ASB17: variants seen among roughly 807,000 people sequenced by gnomAD.
The protein encoded by ASB17 is ankyrin repeat and SOCS box containing 17, also known as ankyrin repeat and SOCS box protein 17.
In ASB17, 26 loss-of-function variants were observed where a neutral mutation model predicts 25.7. The ratio of observed to expected loss-of-function variants is 1.01; its 90% CI spans 0.74 to 1.40. ASB17 has a LOEUF of 1.40. Ranked by LOEUF, ASB17 falls within the 40% of genes most tolerant of loss-of-function variation. The pLI is 0.00. For synonymous variants in ASB17, 128 were observed against 121.4 expected, an observed-to-expected ratio of 1.05 and a Z score of -0.36; for missense variants, 326 against 338.5, an observed-to-expected ratio of 0.96 and a Z score of 0.29.
intron 1 of ASB17, among the ~76,000 whole-genome samples, chr1:75,929,317 C>T (rs188697259): frequency 2.9e-4 from 44 of 151,924 alleles, no homozygotes; most frequent in African/African-American, 9.2e-4. Flanking sequence ...CTCTGCCTTC[C>T]GGGTTCACGC....
Position 75,932,276 on chromosome 1 carries a change from T to C in ASB17, c.16A>G (p.Lys6Glu). 2 of 1,608,604 alleles carry C rather than the reference T, an allele frequency of 1.2e-6. No individual in the cohort carries two copies. The highest frequency in any genetic ancestry group is 1.7e-6 in the Non-Finnish European group (2 of 1,177,290). The change falls in exon 1 of 3, where the codon AAA becomes GAA. Residue 6 changes from lysine to glutamate, a missense_variant. Coordinates refer to ENST00000284142, the MANE Select transcript of ASB17 (RefSeq NM_080868.3). MSKSTKLCGKTSCPRS... is the reference protein window; with the variant it reads MSKSTELCGKTSCPRS... ...GGACAAGAAGTCTTACCACATAATT[T>C]AGTAGATTTACTCATTGTTACTTAT...
At chr1:75,925,850 TA>T (rs1367175624) in intron 1 of ASB17, among the ~76,000 whole-genome samples, 1 of 152,216 alleles carries the variant, frequency 6.6e-6, no homozygotes, top group Non-Finnish European at 1.5e-5. Context: ...AGAATAATTT[TA>T]CATGTGTGAT....
At chr1:75,927,287 C>G (rs1249393557) in intron 1 of ASB17, among the ~76,000 whole-genome samples, 1 of 140,246 alleles carries the variant, frequency 7.1e-6, no homozygotes, top group Non-Finnish European at 1.6e-5. Context: ...TGTTTTAAGC[C>G]ACTAAGTTTG....
chr1:75,923,848 T>C (rs12090389), intron 1 of ASB17, among the ~76,000 whole-genome samples: 8,134 of 152,260 alleles, frequency 0.053, 372 homozygotes, highest in African/African-American at 0.12. Flanking sequence ...ATTTATGTAC[T>C]CATCTGCTTA....
intron 1 of ASB17, among the ~76,000 whole-genome samples, chr1:75,923,846 A>T (rs562935652): frequency 6.6e-6 from 1 of 152,256 alleles, no homozygotes; most frequent in African/African-American, 2.4e-5. Context: ...GCATTTATGT[A>T]CTCATCTGCT....
rs561644982 is a variant in ASB17, at chr1:75,921,107, A to G, written c.681+973T>C. On this transcript the variant is annotated intron_variant, in intron 2 of 2. Coordinates refer to ENST00000284142, the MANE Select transcript of ASB17 (RefSeq NM_080868.3). ...TGCTTTTCTACTAGTGTTGTATCTC[A>G]GGAATAGCATTCATGGAACTGGTTG... 2.0e-5 allele frequency among the ~76,000 whole-genome samples: 3 copies of G among 152,272 alleles called. No individual in the cohort carries two copies. In the South Asian group the frequency reaches 6.2e-4, roughly 32 times the overall value.
chr1:75,929,072 T>A (rs1217385664), intron 1 of ASB17, among the ~76,000 whole-genome samples: 1 of 152,142 alleles, frequency 6.6e-6, no homozygotes. Context: ...TGAGGCCTTA[T>A]GGCAGGAATG....
chr1:75,929,212 TA>T (rs1452105128), intron 1 of ASB17, among the ~76,000 whole-genome samples: 1 of 151,312 alleles, frequency 6.6e-6, no homozygotes, highest in East Asian at 1.9e-4. Context: ...TATTTTTTTT[TA>T]TTTATTTATT....
chr1:75,921,830 T>G (rs543651698), intron 2 of ASB17, among the ~76,000 whole-genome samples: 2 of 152,180 alleles, frequency 1.3e-5, no homozygotes, highest in African/African-American at 4.8e-5. Context: ...ATAATTAGGA[T>G]ATAATATATA....
chr1:75,925,787 CCCTTCT>C (rs1482705096), intron 1 of ASB17, among the ~76,000 whole-genome samples: 1 of 151,692 alleles, frequency 6.6e-6, no homozygotes, highest in Non-Finnish European at 1.5e-5. Flanking sequence ...TAATTTTTTT[CCCTTCT>C]CATTCTCCTT....
At chr1:75,921,978 A>G in intron 2 of ASB17, 102 bp downstream of exon 2, 1 of 1,012,968 alleles carries the variant, frequency 9.9e-7, no homozygotes, top group Non-Finnish European at 1.4e-6. Context: ...CTGTCACTGG[A>G]CATATTCTAT....
intron 2 of ASB17, 27 bp downstream of exon 2, chr1:75,922,053 C>T (rs1653039060): frequency 1.3e-6 from 2 of 1,555,482 alleles, no homozygotes; most frequent in East Asian, 4.5e-5. Context: ...ATATTTGAGC[C>T]CATTTTTTTT....
chr1:75,922,473 T>C, intron 1 of ASB17, 114 bp from the exon 2 acceptor site: 1 of 512,714 alleles, frequency 2.0e-6, no homozygotes, highest in Non-Finnish European at 3.1e-6. Context: ...GTCTTAAATG[T>C]AACTTTATAT....
In ASB17 at chr1:75,932,162, C is replaced by G; in HGVS notation, c.130G>C (p.Glu44Gln). ...GCCAGTGATCTGTAAATCCTTGGTT[C>G]GTAACAGTGATATCCCCACTGACCC... ...FLGQWGYHCY[E>Q]PRIYRSLAKI... Residue 44 changes from glutamate to glutamine, a missense_variant, in exon 1 of 3, where the codon GAA becomes CAA. Coordinates refer to ENST00000284142, the MANE Select transcript of ASB17 (RefSeq NM_080868.3). The G allele has an allele frequency of 6.2e-7, 1 of 1,614,052 alleles. No individual in the cohort carries two copies. Among genetic ancestry groups the G allele is most frequent in the Non-Finnish European group, 8.5e-7 (1 of 1,179,986 alleles).
At chr1:75,922,047 T>C in intron 2 of ASB17, 33 bp downstream of exon 2, 3 of 1,539,982 alleles carry the variant, frequency 1.9e-6, no homozygotes, top group Non-Finnish European at 2.7e-6. Flanking sequence ...TCACTAATAT[T>C]TGAGCCCATT....
chr1:75,932,158 G>A lies in ASB17; in HGVS notation c.134C>T (p.Pro45Leu). 6.2e-7 allele frequency: 1 copy of A among 1,614,070 alleles called. No homozygotes were observed. Among genetic ancestry groups the A allele is most frequent in the Admixed American group, 1.7e-5 (1 of 60,016 alleles). ...TTTTGCCAGTGATCTGTAAATCCTT[G>A]GTTCGTAACAGTGATATCCCCACTG... is the stretch of plus-strand genomic sequence containing the variant. ...LGQWGYHCYE[P>L]RIYRSLAKIL... Residue 45 changes from proline to leucine, a missense_variant, in exon 1 of 3, where the codon CCA becomes CTA. Coordinates refer to ENST00000284142, the MANE Select transcript of ASB17 (RefSeq NM_080868.3).
At chr1:75,921,303 T>G (rs1421567811) in intron 2 of ASB17, among the ~76,000 whole-genome samples, 1 of 152,078 alleles carries the variant, frequency 6.6e-6, no homozygotes, top group Non-Finnish European at 1.5e-5. Flanking sequence ...GCTGAGGCAC[T>G]GAAGAAAAAA....
At chr1:75,930,221 ATTATATGACTAGTTATATTTATATAT>A (rs903686795) in intron 1 of ASB17, among the ~76,000 whole-genome samples, 2 of 148,004 alleles carry the variant, frequency 1.4e-5, no homozygotes, top group African/African-American at 4.9e-5. Context: ...TTATATAACT[ATTATATGACTAGTTATATTTATATAT>A]TTATATAACT....
At chr1:75,931,755 C>T (rs908771148) in intron 1 of ASB17, 136 bp downstream of exon 1, 7 of 655,436 alleles carry the variant, frequency 1.1e-5, no homozygotes, top group South Asian at 5.6e-5. Context: ...GGAGTGAACA[C>T]GTGGTCAAGC....
Sources: allele counts gnomAD v4.1 joint callset (sites outside exome capture counted in the v4.1 genomes callset), GRCh38; gene constraint gnomAD v4.1.1; transcripts MANE v1.5; gene names NCBI Gene and HGNC (gene_info 2026-07-23, HGNC 2026-07-21).